ADAM19: variants seen among roughly 807,000 people sequenced by gnomAD.
ADAM19 encodes disintegrin and metalloproteinase domain-containing protein 19.
Under a neutral mutation model 114.7 loss-of-function variants are expected in ADAM19, and 65 were observed. That is an observed-to-expected ratio of 0.57 (90% CI 0.46 to 0.70). The LOEUF is 0.70. Ranked by LOEUF, ADAM19 falls within the 30% of genes least tolerant of loss-of-function variation. The pLI, the probability that ADAM19 is intolerant of heterozygous loss-of-function variation, is 0.00. For synonymous variants in ADAM19, 466 were observed against 460.5 expected (o/e 1.01, Z -0.15); for missense variants, 1,063 against 1,204.7 (o/e 0.88, Z 1.74).
chr5:157,575,126 C>A (rs1757936609), intron 1 of ADAM19, among the ~76,000 whole-genome samples: 1 of 152,212 alleles, frequency 6.6e-6, no homozygotes, highest in South Asian at 2.1e-4. Flanking sequence ...TTATGTCCTA[C>A]CCCACCAGTG....
intron 12 of ADAM19, among the ~76,000 whole-genome samples, chr5:157,500,517 G>A (rs1357904445): frequency 1.3e-5 from 2 of 152,012 alleles, no homozygotes; most frequent in Non-Finnish European, 2.9e-5. Flanking sequence ...ATCCCCAGTA[G>A]AACATCCAGA....
At chr5:157,570,258 A>AAAAC (rs1055172925) in intron 2 of ADAM19, among the ~76,000 whole-genome samples, 1 of 151,802 alleles carries the variant, frequency 6.6e-6, no homozygotes, top group Non-Finnish European at 1.5e-5. Flanking sequence ...AGACTCTGTC[A>AAAAC]AAACAAACAA....
Position 157,499,569 on chromosome 5 carries a change from T to C in ADAM19, c.1398+4A>G. Reference sequence around the variant, plus strand: ...CCCAAGGCGTGGAGAAAAGGGCCACTTACCTTACACTGGTGGCAGCAGGAG... The same window carrying C: ...CCCAAGGCGTGGAGAAAAGGGCCACCTACCTTACACTGGTGGCAGCAGGAG... On this transcript the variant is annotated splice_donor_region_variant and intron_variant, in intron 13 of 22. Transcript: ENST00000257527. The C allele has an allele frequency of 2.5e-6, 4 of 1,612,172 alleles. No homozygotes were observed. Among genetic ancestry groups the C allele is most frequent in the Non-Finnish European group, 3.4e-6 (4 of 1,179,082 alleles).
chr5:157,547,017 T>G (rs1329627956), intron 3 of ADAM19, among the ~76,000 whole-genome samples: 1 of 152,132 alleles, frequency 6.6e-6, no homozygotes, highest in African/African-American at 2.4e-5. Context: ...CTTAGAATTT[T>G]AGATAAGGAG....
At chr5:157,520,370 C>T (rs949832715) in intron 5 of ADAM19, among the ~76,000 whole-genome samples, 1 of 147,504 alleles carries the variant, frequency 6.8e-6, no homozygotes, top group African/African-American at 2.5e-5. Flanking sequence ...TCTAAGAAGG[C>T]TGTACCTGTG....
chr5:157,567,103 G>A lies in ADAM19; in HGVS notation c.181-2660C>T, dbSNP rs939434334. 7.2e-5 allele frequency among the ~76,000 whole-genome samples: 11 copies of A among 152,250 alleles called. 1 individual carries two copies. Among genetic ancestry groups the A allele is most frequent in the Admixed American group, 6.5e-4 (10 of 15,294 alleles). ...TAGGTCACCTGTTCTGCCACCTCTG[G>A]TTAGAAGCCTACCTCGTCTAAGCAC... On this transcript the variant is annotated intron_variant, in intron 2 of 22. Coordinates refer to ENST00000257527, the MANE Select transcript of ADAM19 (RefSeq NM_033274.5).
intron 11 of ADAM19, among the ~76,000 whole-genome samples, chr5:157,505,012 G>A (rs896743479): frequency 8.6e-5 from 13 of 151,444 alleles, no homozygotes; most frequent in African/African-American, 2.7e-4. Flanking sequence ...CCAGCTACTC[G>A]GGAGGCTAAG....
In ADAM19 at chr5:157,521,249, GA is replaced by G. The variant is rs375831440; in HGVS notation, c.408-1219del. Among the ~76,000 whole-genome samples the G allele has an allele frequency of 1.6e-4, 24 of 152,304 alleles. No individual in the cohort carries two copies. In the South Asian group the frequency reaches 4.4e-3, roughly 28 times the overall value. ...AGATATCTGCCAACCTTGATACAATGAGATAAACATGATTGTAAAGGTATGT... is the reference window on the plus strand; with the variant it reads ...AGATATCTGCCAACCTTGATACAATGGATAAACATGATTGTAAAGGTATGT... On this transcript the variant is annotated intron_variant, in intron 5 of 22. Transcript: ENST00000257527.
At chr5:157,525,089 G>T (rs1489902371) in intron 5 of ADAM19, among the ~76,000 whole-genome samples, 1 of 152,194 alleles carries the variant, frequency 6.6e-6, no homozygotes, top group Non-Finnish European at 1.5e-5. Context: ...CCATTTTATG[G>T]ATGAGACAAC....
At chr5:157,562,861 A>G (rs919268249) in intron 3 of ADAM19, among the ~76,000 whole-genome samples, 1 of 152,190 alleles carries the variant, frequency 6.6e-6, no homozygotes, top group South Asian at 2.1e-4. Flanking sequence ...CTGCTTGGCC[A>G]GTCCAACTCC....
At chr5:157,521,473 A>T (rs1438794432) in intron 5 of ADAM19, among the ~76,000 whole-genome samples, 1 of 152,088 alleles carries the variant, frequency 6.6e-6, no homozygotes, top group African/African-American at 2.4e-5. Flanking sequence ...CTCCACCACA[A>T]CCGCCACTTG....
chr5:157,567,557 G>A (rs1581361136), intron 2 of ADAM19, among the ~76,000 whole-genome samples: 1 of 152,130 alleles, frequency 6.6e-6, no homozygotes, highest in Non-Finnish European at 1.5e-5. Context: ...CAACACTTTG[G>A]GAGGCCAAGG....
In ADAM19 at chr5:157,481,869, C is replaced by A. The variant is rs748340381; in HGVS notation, c.2625G>T (p.Arg875Ser). Reference protein sequence around the residue: ...NPVPGRRSLPRPGGASPLRPP... With the variant: ...NPVPGRRSLPSPGGASPLRPP... The stretch of plus-strand genomic sequence containing the variant: ...GCCGCAGTGGGGATGCACCTCCTGG[C>A]CTGGGGAGGCTCCTGCGGCCTGGCA... The change falls in exon 22 of 23, where the codon AGG becomes AGT. Residue 875 changes from arginine (R) to serine (S), a missense_variant. This residue lies in a region of ADAM19 where 424 missense variants were observed against 445.5 expected (regional missense o/e 0.95). Coordinates refer to ENST00000257527, the MANE Select transcript of ADAM19 (RefSeq NM_033274.5). The A allele has an allele frequency of 2.5e-6, 4 of 1,596,590 alleles. No homozygotes were observed. Among genetic ancestry groups the A allele is most frequent in the South Asian group, 1.1e-5 (1 of 87,966 alleles).
chr5:157,514,326 C>CTTTT (rs200826711), intron 7 of ADAM19, among the ~76,000 whole-genome samples: 6 of 141,682 alleles, frequency 4.2e-5, no homozygotes, highest in Admixed American at 1.4e-4. Context: ...AATCACATTT[C>CTTTT]TTTCTTTTTT....
intron 4 of ADAM19, 24 bp from the exon 5 acceptor site, chr5:157,530,907 C>G: frequency 6.3e-7 from 1 of 1,598,966 alleles, no homozygotes; most frequent in South Asian, 1.1e-5. Context: ...AGGAGGTGGT[C>G]AGGCTAAAGA....
At chr5:157,544,033 G>A (rs1426554378) in intron 3 of ADAM19, among the ~76,000 whole-genome samples, 5 of 152,182 alleles carry the variant, frequency 3.3e-5, no homozygotes, top group East Asian at 1.9e-4. Context: ...ACAAACCAAC[G>A]TGCCAAAGGC....
At chr5:157,496,753 C>G in intron 14 of ADAM19, 141 bp downstream of exon 14, 1 of 681,060 alleles carries the variant, frequency 1.5e-6, no homozygotes, top group Non-Finnish European at 2.3e-6. Flanking sequence ...CCCTGAACAT[C>G]TACCCTGAGT....
At chr5:157,507,628 G>A (rs186420190) in intron 9 of ADAM19, among the ~76,000 whole-genome samples, 27 of 152,304 alleles carry the variant, frequency 1.8e-4, no homozygotes, top group Admixed American at 3.3e-4. Flanking sequence ...AGCAGCTGTG[G>A]GGCCGATGAT....
intron 18 of ADAM19, 119 bp from the exon 19 acceptor site, chr5:157,490,573 A>AT (rs1755118594): frequency 9.0e-6 from 11 of 1,220,280 alleles, no homozygotes; most frequent in Non-Finnish European, 1.3e-5. Context: ...TGTATTACTT[A>AT]TTTTAACTTA....
Sources: gnomAD v4.1 joint callset for allele counts (sites outside exome capture counted in the v4.1 genomes callset) on GRCh38, gnomAD v4.1.1 for gene constraint, gnomAD v4.1.1 regional missense constraint, MANE v1.5 for transcripts, NCBI Gene and HGNC (gene_info 2026-07-23, HGNC 2026-07-21) for gene names.